PPP2R5E: variants seen among roughly 807,000 people sequenced by gnomAD.
The protein encoded by PPP2R5E is protein phosphatase 2 regulatory subunit B'epsilon.
A neutral mutation model predicts 65.3 loss-of-function variants in PPP2R5E; 4 were observed. That is an observed-to-expected ratio of 0.06 (90% CI 0.03 to 0.14). The LOEUF (loss-of-function observed/expected upper bound fraction) is 0.14, where lower values mean the gene tolerates loss of function less well. Ranked by LOEUF, PPP2R5E falls within the 10% of genes least tolerant of loss-of-function variation. The pLI, the probability that PPP2R5E is intolerant of heterozygous loss-of-function variation, is 1.00. For synonymous variants in PPP2R5E, 183 were observed against 187.4 expected, an observed-to-expected ratio of 0.98 and a Z score of 0.19; for missense variants, 274 against 556.1, an observed-to-expected ratio of 0.49 and a Z score of 5.10.
At chr14:63,495,837 T>C (rs772751718) in intron 2 of PPP2R5E, among the ~76,000 whole-genome samples, 8 of 151,862 alleles carry the variant, frequency 5.3e-5, no homozygotes, top group Non-Finnish European at 8.8e-5. Context: ...AAAACAGGCA[T>C]GTACCACCTT....
rs531340919 is a variant in PPP2R5E at position 63,496,807 on chromosome 14, G to C, written c.157+42722C>G. On this transcript the variant is annotated intron_variant, in intron 2 of 13. Transcript: ENST00000337537. The stretch of plus-strand genomic sequence containing the variant: ...AAAGAAGCCAAATGCCTGAAAGACT[G>C]ACAGAAATAAAAATTAATAAAAATT... Among the ~76,000 whole-genome samples, 37 of 151,140 alleles carry C rather than the reference G, an allele frequency of 2.4e-4. No individual in the cohort carries two copies. The East Asian group carries it at 7.0e-3, about 29-fold the overall frequency.
At chr14:63,464,527 G>C (rs1031341805) in intron 2 of PPP2R5E, among the ~76,000 whole-genome samples, 1 of 152,204 alleles carries the variant, frequency 6.6e-6, no homozygotes, top group Non-Finnish European at 1.5e-5. Context: ...TGTGGCTGGA[G>C]CTGGAGTGGA....
chr14:63,513,027 A>C (rs755751832), intron 2 of PPP2R5E, among the ~76,000 whole-genome samples: 29 of 152,118 alleles, frequency 1.9e-4, no homozygotes, highest in African/African-American at 2.6e-4. Flanking sequence ...CAACAACAAC[A>C]ACCAAAAAAC....
intron 2 of PPP2R5E, among the ~76,000 whole-genome samples, chr14:63,519,510 T>C (rs1423411955): frequency 1.3e-5 from 2 of 149,074 alleles, no homozygotes; most frequent in Non-Finnish European, 3.0e-5. Flanking sequence ...CCAGCTAATT[T>C]TTTTTTTTTT....
At chr14:63,468,384 C>T (rs1339212729) in intron 2 of PPP2R5E, among the ~76,000 whole-genome samples, 2 of 152,094 alleles carry the variant, frequency 1.3e-5, no homozygotes, top group Non-Finnish European at 2.9e-5. Context: ...TAATATAATA[C>T]CCAGTGAAAT....
At chr14:63,414,772 A>T (rs1488960926) in intron 5 of PPP2R5E, among the ~76,000 whole-genome samples, 1 of 150,902 alleles carries the variant, frequency 6.6e-6, no homozygotes, top group Non-Finnish European at 1.5e-5. Context: ...CAGTTTTAAC[A>T]GATCTACACC....
In PPP2R5E at chr14:63,391,716, C is replaced by A. The variant is rs1885034828; in HGVS notation, c.954+101G>T. On this transcript the variant is annotated intron_variant, in intron 10 of 13. Coordinates refer to ENST00000337537, the MANE Select transcript of PPP2R5E (RefSeq NM_006246.5). ...GGGATTACAGGCATGAGCCACTGCG[C>A]CCAGCCCTGATGATGCGGTTTTATA... 4.5e-6 allele frequency: 6 copies of A among 1,332,120 alleles called. No homozygotes were observed. In the East Asian group the frequency reaches 9.4e-5, roughly 21 times the overall value. 82.5% of individuals were successfully genotyped at this position (1,332,120 alleles called of 1,614,324 possible). A position where few individuals can be genotyped will look rare whatever the true frequency, so the allele number is the denominator to read the frequency against.
chr14:63,388,172 C>T (rs2139768262), intron 11 of PPP2R5E, among the ~76,000 whole-genome samples: 1 of 149,170 alleles, frequency 6.7e-6, no homozygotes, highest in East Asian at 2.0e-4. Context: ...TGGAGTTTCG[C>T]TCTTGTTGCC....
intron 2 of PPP2R5E, among the ~76,000 whole-genome samples, chr14:63,525,351 A>C (rs1333294375): frequency 4.6e-5 from 7 of 152,168 alleles, no homozygotes; most frequent in Admixed American, 1.3e-4. Context: ...GCAGATCAAA[A>C]TTTTCCAGCC....
intron 5 of PPP2R5E, among the ~76,000 whole-genome samples, chr14:63,403,757 TA>T (rs1174288541): frequency 2.0e-5 from 3 of 148,258 alleles, no homozygotes; most frequent in African/African-American, 7.5e-5. Context: ...GGAAAGCAAG[TA>T]AAAAAATAAG....
Position 63,453,686 on chromosome 14 carries a change from C to T in PPP2R5E, c.354+3G>A. ...GTGTCCGCGGAGAAAAAAAGAAACT[C>T]ACCATTCTAACTACTTCAGGGTAAG... On this transcript the variant is annotated splice_donor_region_variant and intron_variant, in intron 3 of 13. Transcript: ENST00000337537. 1 of 1,612,836 alleles carries T rather than the reference C, an allele frequency of 6.2e-7. No individual in the cohort carries two copies. Among genetic ancestry groups the T allele is most frequent in the Non-Finnish European group, 8.5e-7 (1 of 1,179,462 alleles).
At position 63,395,314 on chromosome 14, in the gene PPP2R5E, AAGGAGGAG is replaced by A. The variant is rs1566671613; in HGVS notation, c.681-37_681-30del. 2.0e-6 allele frequency: 3 copies of A among 1,510,710 alleles called. No individual in the cohort carries two copies. The African/African-American group carries it at 4.2e-5, about 21-fold the overall frequency. The allele number at this position is 1,510,710 out of a possible 1,614,324, so 93.6% of individuals were successfully genotyped here. On this transcript the variant is annotated intron_variant, in intron 6 of 13. Coordinates refer to ENST00000337537, the MANE Select transcript of PPP2R5E (RefSeq NM_006246.5). ...AGAGAAGAGGAGAAAAGGGAGGAGAAAGGAGGAGAGGAGGAGGAGAAGGAAGGGATAAA... is the reference window on the plus strand; with the variant it reads ...AGAGAAGAGGAGAAAAGGGAGGAGAAAGGAGGAGGAGAAGGAAGGGATAAA...
In PPP2R5E at chr14:63,539,598, A is replaced by T; in HGVS notation, c.88T>A (p.Ser30Thr). ...GACCTAAACTGTGAGGAACTTTGCG[A>T]CCTCTTCTGTCTGGCTTTTCTGACG... Reference protein sequence around the residue: ...KSVRKARQKRSQSSSQFRSQG... With the variant: ...KSVRKARQKRTQSSSQFRSQG... Residue 30 changes from serine to threonine, a missense_variant, in exon 2 of 14, where the codon TCG becomes ACG. Coordinates refer to ENST00000337537, the MANE Select transcript of PPP2R5E (RefSeq NM_006246.5). 1.2e-6 allele frequency: 2 copies of T among 1,614,006 alleles called. No individual in the cohort carries two copies. The highest frequency in any genetic ancestry group is 1.6e-4 in the Middle Eastern group (1 of 6,062).
chr14:63,437,515 C>A (rs1888002492), intron 3 of PPP2R5E, among the ~76,000 whole-genome samples: 1 of 152,098 alleles, frequency 6.6e-6, no homozygotes. Flanking sequence ...AAGGGCAGCA[C>A]AAATACAAAA....
chr14:63,440,930 C>A (rs968730473), intron 3 of PPP2R5E, among the ~76,000 whole-genome samples: 2 of 122,970 alleles, frequency 1.6e-5, no homozygotes, highest in Admixed American at 1.9e-4. Context: ...GCCTGGGCAA[C>A]AGAGCGAGAC....
At chr14:63,508,130 T>A in intron 2 of PPP2R5E, 3 of 984,726 alleles carry the variant, frequency 3.0e-6, no homozygotes, top group Non-Finnish European at 3.6e-6. Context: ...CACACACGAG[T>A]GTTCTCTTCC....
intron 13 of PPP2R5E, among the ~76,000 whole-genome samples, chr14:63,380,316 A>C (rs1002791628): frequency 2.6e-5 from 4 of 152,062 alleles, no homozygotes; most frequent in African/African-American, 9.7e-5. Flanking sequence ...GTTTGGGGCA[A>C]GGAGGGTTAT....
intron 2 of PPP2R5E, among the ~76,000 whole-genome samples, chr14:63,523,581 C>G (rs1203808718): frequency 1.7e-5 from 2 of 121,026 alleles, no homozygotes; most frequent in Non-Finnish European, 1.8e-5. Context: ...CGGAAGGCCG[C>G]AGGGTCCTCC....
chr14:63,434,917 T>C (rs1260587352), intron 3 of PPP2R5E, among the ~76,000 whole-genome samples: 1 of 152,244 alleles, frequency 6.6e-6, no homozygotes, highest in East Asian at 1.9e-4. Context: ...ACTGTTTAAA[T>C]ATCCCAAATT....
Sources: allele counts gnomAD v4.1 joint callset (sites outside exome capture counted in the v4.1 genomes callset), GRCh38; gene constraint gnomAD v4.1.1; transcripts MANE v1.5; gene names NCBI Gene and HGNC (gene_info 2026-07-23, HGNC 2026-07-21).